CPSF4: variants seen among roughly 807,000 people sequenced by gnomAD.
CPSF4 encodes cleavage and polyadenylation specificity factor subunit 4.
Under a neutral mutation model 37.7 loss-of-function variants are expected in CPSF4, and 11 were observed. The ratio of observed to expected loss-of-function variants is 0.29; its 90% CI spans 0.18 to 0.48. The LOEUF (loss-of-function observed/expected upper bound fraction) is 0.48, where lower values mean the gene tolerates loss of function less well. Ranked by LOEUF, CPSF4 falls within the 20% of genes least tolerant of loss-of-function variation. The pLI is 0.99. For missense variants in CPSF4, 144 were observed against 359.5 expected, an observed-to-expected ratio of 0.40 and a Z score of 4.85; for synonymous variants, 132 against 135.9, an observed-to-expected ratio of 0.97 and a Z score of 0.20.
chr7:99,440,674 A>ATATATTTTTT lies in CPSF4; in HGVS notation c.103+1490_103+1491insATATTTTTTT. ...ACCTGGCATATATATATATATATATATTTTTTTTTTTTTTTTTTTCCTGCC... is the reference window on the plus strand; with the variant it reads ...ACCTGGCATATATATATATATATATATATATTTTTTTTTTTTTTTTTTTTTTTTTCCTGCC... On this transcript the variant is annotated intron_variant, in intron 1 of 7. Transcript: ENST00000292476. Among the ~76,000 whole-genome samples the ATATATTTTTT allele has an allele frequency of 5.8e-4, 51 of 88,080 alleles. 1 individual carries two copies. The highest frequency in any genetic ancestry group is 2.9e-3 in the Admixed American group (25 of 8,602). 57.8% of individuals were successfully genotyped at this position (88,080 alleles called of 152,430 possible).
chr7:99,450,394 C>T lies in CPSF4; in HGVS notation c.403+23C>T, dbSNP rs747908097. ...ACGGTAGGTGCCAGGGTGGGCTGGG[C>T]CCCGGGCAAGAAGCCAGTCCTCCCT... On this transcript the variant is annotated intron_variant, in intron 4 of 7. Transcript: ENST00000292476. The T allele has an allele frequency of 5.8e-6, 9 of 1,552,502 alleles. No individual in the cohort carries two copies. In the Admixed American group the frequency reaches 1.5e-4, roughly 26 times the overall value.
intron 6 of CPSF4, 132 bp downstream of exon 6, chr7:99,452,572 C>G (rs550039077): frequency 1.3e-6 from 1 of 791,692 alleles, no homozygotes; most frequent in East Asian, 2.5e-5. Context: ...CTCCCAAGTT[C>G]CCGAAGAAAA....
intron 2 of CPSF4, among the ~76,000 whole-genome samples, chr7:99,446,777 T>A (rs1449636084): frequency 7.7e-5 from 8 of 103,538 alleles, no homozygotes; most frequent in African/African-American, 3.8e-4. Flanking sequence ...CCAGCTTTTT[T>A]TTTTTTTTTT....
chr7:99,449,252 C>T (rs564588779), intron 3 of CPSF4: 1 of 152,434 alleles, frequency 6.6e-6, no homozygotes, highest in African/African-American at 2.4e-5. Flanking sequence ...GCTGGCTTAT[C>T]AATGAGAGCT....
Position 99,438,984 on chromosome 7 carries a change from CGAA to C in CPSF4, c.-97_-95del. Reference sequence around the variant, plus strand: ...CGGCGGCGGCGGCGGCGAGGCGAAGCGAAGGAGGAGTGTGTGCGGCGGGGCCGG... The same window carrying C: ...CGGCGGCGGCGGCGGCGAGGCGAAGCGGAGGAGTGTGTGCGGCGGGGCCGG... On this transcript the variant is annotated 5_prime_UTR_variant, in exon 1 of 8. Coordinates refer to ENST00000292476, the MANE Select transcript of CPSF4 (RefSeq NM_006693.4). 7.4e-7 allele frequency: 1 copy of C among 1,343,618 alleles called. No individual in the cohort carries two copies. Among genetic ancestry groups the C allele is most frequent in the Non-Finnish European group, 9.6e-7 (1 of 1,037,850 alleles). 83.2% of individuals were successfully genotyped at this position (1,343,618 alleles called of 1,614,324 possible).
intron 1 of CPSF4, among the ~76,000 whole-genome samples, chr7:99,440,677 T>A (rs867840158): frequency 0.04 from 4,796 of 121,014 alleles, 169 homozygotes; most frequent in East Asian, 0.17. Context: ...TATATATATT[T>A]TTTTTTTTTT....
intron 4 of CPSF4, 106 bp downstream of exon 4, chr7:99,450,477 C>T (rs1207293638): frequency 2.2e-5 from 18 of 819,434 alleles, no homozygotes; most frequent in Non-Finnish European, 1.8e-5. Flanking sequence ...CAAAACCTGA[C>T]ATTCTGCAGC....
intron 2 of CPSF4, among the ~76,000 whole-genome samples, chr7:99,445,064 A>G (rs545104600): frequency 1.3e-5 from 2 of 152,288 alleles, no homozygotes; most frequent in African/African-American, 4.8e-5. Context: ...ATCACTTCGC[A>G]TTCCCCGTGG....
At position 99,439,029 on chromosome 7, in the gene CPSF4, G is replaced by T; in HGVS notation, c.-54G>T. 6.5e-7 allele frequency: 1 copy of T among 1,531,032 alleles called. No individual in the cohort carries two copies. 94.8% of individuals were successfully genotyped at this position (1,531,032 alleles called of 1,614,324 possible). A position where few individuals can be genotyped will look rare whatever the true frequency, so the allele number is the denominator to read the frequency against. On this transcript the variant is annotated 5_prime_UTR_variant, in exon 1 of 8. Coordinates refer to ENST00000292476, the MANE Select transcript of CPSF4 (RefSeq NM_006693.4). ...CGGGGCCGGCGGCGGGTAAAGGCGA[G>T]AAGGCTGCAGGAGACCGAGGGGGAG...
At chr7:99,442,655 C>CAAAAAAAAAAAAAAA (rs751146641) in intron 1 of CPSF4, among the ~76,000 whole-genome samples, 6 of 52,494 alleles carry the variant, frequency 1.1e-4, no homozygotes, top group East Asian at 5.7e-4. Flanking sequence ...GACTCCGTCT[C>CAAAAAAAAAAAAAAA]AAAAAAAAAA....
chr7:99,448,018 G>A lies in CPSF4; in HGVS notation c.155-103G>A. On this transcript the variant is annotated intron_variant, in intron 2 of 7. Coordinates refer to ENST00000292476, the MANE Select transcript of CPSF4 (RefSeq NM_006693.4). This position sits in a 1 kb window ranked among gnomAD's most constrained non-coding sequence, Gnocchi z 4.4. ...TTCCAGGACGTGATGCCTTCAGGTG[G>A]CTCCAGGAGTTAGGAAGTGAAGGTA... 8.6e-7 allele frequency: 1 copy of A among 1,166,418 alleles called. No homozygotes were observed. The highest frequency in any genetic ancestry group is 1.2e-6 in the Non-Finnish European group (1 of 810,600). The allele number at this position is 1,166,418 out of a possible 1,614,324, so 72.3% of individuals were successfully genotyped here.
At chr7:99,450,527 CA>C in intron 4 of CPSF4, 156 bp downstream of exon 4, 1 of 746,934 alleles carries the variant, frequency 1.3e-6, no homozygotes, top group Non-Finnish European at 2.3e-6. Flanking sequence ...TTGCCTCTCC[CA>C]AGAATGCTGG....
chr7:99,444,991 C>A, intron 2 of CPSF4, 152 bp downstream of exon 2: 1 of 690,462 alleles, frequency 1.4e-6, no homozygotes, highest in Non-Finnish European at 2.5e-6. Context: ...CAGGCTAGGA[C>A]CCTGATGGGG....
chr7:99,440,710 C>T (rs1231538367), intron 1 of CPSF4, among the ~76,000 whole-genome samples: 1 of 117,320 alleles, frequency 8.5e-6, no homozygotes, highest in Non-Finnish European at 1.6e-5. Flanking sequence ...TGTCCCACAA[C>T]TTTACATGGT....
intron 7 of CPSF4, among the ~76,000 whole-genome samples, chr7:99,454,995 C>T (rs1798206951): frequency 6.6e-6 from 1 of 152,062 alleles, no homozygotes; most frequent in African/African-American, 2.4e-5. Flanking sequence ...GTCAAGCCTG[C>T]AGTGAGCTAT....
At chr7:99,444,538 A>G (rs1000889385) in intron 1 of CPSF4, among the ~76,000 whole-genome samples, 2 of 152,070 alleles carry the variant, frequency 1.3e-5, no homozygotes, top group African/African-American at 4.8e-5. Flanking sequence ...AAAGGATCTT[A>G]TATACAGGAG....
In CPSF4 at chr7:99,448,459, C is replaced by CTTTTTT; in HGVS notation, c.307+202_307+207dup. Reference sequence around the variant, plus strand: ...CAGTGTGGCTATTTTCTGCTCATCTCTTTTTTTTTTTTTTTTTTTTTAAAG... The same window carrying CTTTTTT: ...CAGTGTGGCTATTTTCTGCTCATCTCTTTTTTTTTTTTTTTTTTTTTTTTTTTAAAG... On this transcript the variant is annotated intron_variant, in intron 3 of 7. Coordinates refer to ENST00000292476, the MANE Select transcript of CPSF4 (RefSeq NM_006693.4). The surrounding 1 kb of genome is among the most constrained non-coding windows in gnomAD (Gnocchi z 4.4). 5 of 320,912 alleles carry CTTTTTT rather than the reference C, an allele frequency of 1.6e-5. No individual in the cohort carries two copies. Among genetic ancestry groups the CTTTTTT allele is most frequent in the Admixed American group, 5.3e-5 (1 of 18,994 alleles). 19.9% of individuals were successfully genotyped at this position (320,912 alleles called of 1,614,324 possible).
rs376916943 is a variant in CPSF4 at position 99,456,413 on chromosome 7, C to A, written c.742-19C>A. 6.2e-7 allele frequency: 1 copy of A among 1,612,832 alleles called. No homozygotes were observed. The highest frequency in any genetic ancestry group is 1.3e-5 in the African/African-American group (1 of 75,020). ...TTGTTGTCTGTCTCTCCTCTTCCCCCACTTCCTGCTGTTCCCAGTGTGGCG... is the reference window on the plus strand; with the variant it reads ...TTGTTGTCTGTCTCTCCTCTTCCCCAACTTCCTGCTGTTCCCAGTGTGGCG... On this transcript the variant is annotated intron_variant, in intron 7 of 7. Transcript: ENST00000292476.
At chr7:99,450,889 TG>T in intron 5 of CPSF4, 94 bp downstream of exon 5, 1 of 891,226 alleles carries the variant, frequency 1.1e-6, no homozygotes, top group Non-Finnish European at 1.8e-6. Flanking sequence ...CCTTGGTCAC[TG>T]GGTGATGTCA....
Sources: allele counts gnomAD v4.1 joint callset (sites outside exome capture counted in the v4.1 genomes callset), GRCh38; gene constraint gnomAD v4.1.1; non-coding constraint Gnocchi (gnomAD v3.1); transcripts MANE v1.5; gene names NCBI Gene and HGNC (gene_info 2026-07-23, HGNC 2026-07-21).